Variants in PIAS2 observed in about 807,000 individuals in gnomAD.
PIAS2 encodes E3 SUMO-protein ligase PIAS2.
PIAS2 carries 19 observed loss-of-function variants against 69.7 expected under a neutral mutation model. The ratio of observed to expected loss-of-function variants is 0.27; its 90% CI spans 0.19 to 0.40. The LOEUF (loss-of-function observed/expected upper bound fraction) is 0.40, where lower values mean the gene tolerates loss of function less well. Ranked by LOEUF, PIAS2 falls within the 10% of genes least tolerant of loss-of-function variation. The pLI is 1.00. For synonymous variants in PIAS2, 261 were observed against 263.2 expected (o/e 0.99, Z 0.08); for missense variants, 624 against 757.0 (o/e 0.82, Z 2.06).
At position 46,856,036 on chromosome 18, in the gene PIAS2, T is replaced by C. The variant is rs777004248; in HGVS notation, c.585-421A>G. 4.9e-5 allele frequency among the ~76,000 whole-genome samples: 7 copies of C among 141,466 alleles called. No homozygotes were observed. The Admixed American group carries it at 5.1e-4, about 10-fold the overall frequency. The allele number at this position is 141,466 out of a possible 152,430, so 92.8% of individuals were successfully genotyped here. On this transcript the variant is annotated intron_variant, in intron 3 of 13. Transcript: ENST00000585916. Reference sequence around the variant, plus strand: ...TTTTTTTTTTTTTGAGACAGAGTCTTGCCCTGTCGCCCAGGCTGGAGTGCA... The same window carrying C: ...TTTTTTTTTTTTTGAGACAGAGTCTCGCCCTGTCGCCCAGGCTGGAGTGCA...
chr18:46,821,029 TCA>T lies in PIAS2; in HGVS notation c.1550_1551del (p.Val517AspfsTer4). 6.2e-7 allele frequency: 1 copy of T among 1,613,572 alleles called. No homozygotes were observed. The highest frequency in any genetic ancestry group is 8.5e-7 in the Non-Finnish European group (1 of 1,179,628). ...GGAATAGCAGCAGGATCAACCGAAG[TCA>T]CACTGGGCACCCTTACAGAAGATGG... ...YQPSSVRVPS[V>X]TSVDPAAIPP... is the part of the protein sequence containing the mutation. On this transcript the variant is annotated frameshift_variant, in exon 12 of 14. Coordinates refer to ENST00000585916, the MANE Select transcript of PIAS2 (RefSeq NM_004671.5). LOFTEE classifies it high-confidence loss of function.
intron 12 of PIAS2, chr18:46,816,371 T>G: frequency 3.1e-6 from 3 of 978,202 alleles, no homozygotes; most frequent in Non-Finnish European, 3.6e-6. Context: ...AATAAGGGTA[T>G]TACAAAAATG....
chr18:46,826,129 T>C (rs890305445), intron 11 of PIAS2, among the ~76,000 whole-genome samples: 1 of 152,242 alleles, frequency 6.6e-6, no homozygotes, highest in Non-Finnish European at 1.5e-5. Context: ...AACTTTCATG[T>C]GTTGCTGGTT....
chr18:46,840,862 G>A (rs2145176471), intron 8 of PIAS2, among the ~76,000 whole-genome samples: 1 of 152,002 alleles, frequency 6.6e-6, no homozygotes, highest in African/African-American at 2.4e-5. Context: ...TGTTAAGCTG[G>A]CATTATCCAA....
intron 1 of PIAS2, among the ~76,000 whole-genome samples, chr18:46,900,319 C>T (rs1038542962): frequency 5.9e-5 from 9 of 151,268 alleles, no homozygotes; most frequent in African/African-American, 1.2e-4. Flanking sequence ...GCAGAGATCA[C>T]GCCACTGCAC....
At chr18:46,847,054 G>C (rs3819124) in intron 5 of PIAS2, among the ~76,000 whole-genome samples, 8,555 of 152,100 alleles carry the variant, frequency 0.056, 524 homozygotes, top group African/African-American at 0.14. Context: ...AGAAAGGTAG[G>C]AAAAAAATCC....
chr18:46,890,444 T>A, intron 2 of PIAS2, 136 bp downstream of exon 2: 1 of 609,334 alleles, frequency 1.6e-6, no homozygotes, highest in Non-Finnish European at 2.8e-6. Flanking sequence ...TTGCCGAATT[T>A]TTATCCGTAT....
rs1305974514 is a variant in PIAS2, at chr18:46,806,870, C to T, written c.*5563G>A. 6.6e-6 allele frequency: 1 copy of T among 152,058 alleles called. No individual in the cohort carries two copies. The highest frequency in any genetic ancestry group is 1.9e-4 in the East Asian group (1 of 5,184). The allele number at this position is 152,058 out of a possible 1,614,324, so 9.4% of individuals were successfully genotyped here. The stretch of plus-strand genomic sequence containing the variant: ...TAAGCTTTGAGAACACAAAATAAAG[C>T]TTTTTAAAAAAGCCATTCAGAAATA... On this transcript the variant is annotated 3_prime_UTR_variant, in exon 14 of 14. Transcript: ENST00000585916.
chr18:46,883,939 T>C (rs186336221), intron 2 of PIAS2, among the ~76,000 whole-genome samples: 1 of 152,228 alleles, frequency 6.6e-6, no homozygotes, highest in African/African-American at 2.4e-5. Context: ...ACCTGAGAGG[T>C]AGAGGGTGCA....
intron 1 of PIAS2, among the ~76,000 whole-genome samples, chr18:46,893,181 A>G (rs926847460): frequency 2.0e-5 from 3 of 152,224 alleles, no homozygotes; most frequent in African/African-American, 7.2e-5. Context: ...AACAGAAGAC[A>G]ACAGCTTCTT....
intron 1 of PIAS2, among the ~76,000 whole-genome samples, chr18:46,900,758 G>A (rs181972163): frequency 1.2e-3 from 176 of 150,600 alleles, no homozygotes; most frequent in Middle Eastern, 0.011. Context: ...GGTGAATCAC[G>A]AGGTCAGGCG....
At position 46,917,471 on chromosome 18, in the gene PIAS2, G is replaced by A. The variant is rs1049317392; in HGVS notation, c.-126C>T. On this transcript the variant is annotated 5_prime_UTR_variant, in exon 1 of 14. Coordinates refer to ENST00000585916, the MANE Select transcript of PIAS2 (RefSeq NM_004671.5). Reference sequence around the variant, plus strand: ...TCCTGCACTGGGCGCCGCTTAAGACGCCGCGGCCGCCGCCGCTACAGCCGG... The same window carrying A: ...TCCTGCACTGGGCGCCGCTTAAGACACCGCGGCCGCCGCCGCTACAGCCGG... The A allele has an allele frequency of 1.2e-5, 15 of 1,208,274 alleles. No individual in the cohort carries two copies. The African/African-American group carries it at 2.2e-4, about 18-fold the overall frequency. 74.8% of individuals were successfully genotyped at this position (1,208,274 alleles called of 1,614,324 possible).
Position 46,855,699 on chromosome 18 carries a change from G to A in PIAS2, c.585-84C>T, listed in dbSNP as rs528649436. On this transcript the variant is annotated intron_variant, in intron 3 of 13. Coordinates refer to ENST00000585916, the MANE Select transcript of PIAS2 (RefSeq NM_004671.5). ...CTCCCCAGGAGGAAAAAAAGGAAAA[G>A]CATTATTTGTATTTTTCTTATTCCC... The A allele has an allele frequency of 7.9e-5, 81 of 1,020,212 alleles. No homozygotes were observed. The African/African-American group carries it at 1.1e-3, about 14-fold the overall frequency. The allele number at this position is 1,020,212 out of a possible 1,614,324, so 63.2% of individuals were successfully genotyped here.
In PIAS2 at chr18:46,811,653, T is replaced by C. The variant is rs907670383; in HGVS notation, c.*780A>G. The C allele has an allele frequency of 6.6e-6, 1 of 152,162 alleles. No homozygotes were observed. The highest frequency in any genetic ancestry group is 1.5e-5 in the Non-Finnish European group (1 of 68,018). The allele number at this position is 152,162 out of a possible 1,614,324, so 9.4% of individuals were successfully genotyped here. On this transcript the variant is annotated 3_prime_UTR_variant, in exon 14 of 14. Transcript: ENST00000585916. ...CTCAAATTTATAGAAAACTCTAGAA[T>C]GAAAAATGTACAATTACTAAAAACA...
intron 10 of PIAS2, among the ~76,000 whole-genome samples, 153 bp downstream of exon 10, chr18:46,829,581 G>A (rs2043297749): frequency 6.6e-6 from 1 of 152,128 alleles, no homozygotes; most frequent in South Asian, 2.1e-4. Context: ...CATTCCTTCA[G>A]GAAAGAATAA....
chr18:46,857,235 T>G (rs879327566), intron 3 of PIAS2, among the ~76,000 whole-genome samples: 2 of 152,194 alleles, frequency 1.3e-5, no homozygotes, highest in Non-Finnish European at 2.9e-5. Context: ...CTCATTCATA[T>G]CAAGACACAT....
chr18:46,861,097 T>C (rs2048590970), intron 3 of PIAS2, among the ~76,000 whole-genome samples: 1 of 152,042 alleles, frequency 6.6e-6, no homozygotes, highest in Non-Finnish European at 1.5e-5. Context: ...CTGACCAACA[T>C]GGTGAAACCC....
At chr18:46,908,065 T>C (rs1012621692) in intron 1 of PIAS2, 1 of 152,210 alleles carries the variant, frequency 6.6e-6, no homozygotes, top group African/African-American at 2.4e-5. Flanking sequence ...AGAAAATTCA[T>C]CCAGCTATAA....
chr18:46,900,961 C>T (rs370440428), intron 1 of PIAS2: 21 of 352,142 alleles, frequency 6.0e-5, no homozygotes, highest in African/African-American at 1.3e-4. Flanking sequence ...GTGATAAGAA[C>T]GAAACTCTGT....
Sources: allele counts gnomAD v4.1 joint callset (sites outside exome capture counted in the v4.1 genomes callset), GRCh38; gene constraint gnomAD v4.1.1; transcripts MANE v1.5; gene names NCBI Gene and HGNC (gene_info 2026-07-23, HGNC 2026-07-21).